Variants in AGAP1 observed in about 807,000 individuals in gnomAD.
AGAP1 encodes the protein ArfGAP with GTPase domain, ankyrin repeat and PH domain 1.
Under a neutral mutation model 105.3 loss-of-function variants are expected in AGAP1, and 29 were observed. That is an observed-to-expected ratio of 0.28 (90% CI 0.21 to 0.38). AGAP1 has a LOEUF of 0.38. Ranked by LOEUF, AGAP1 falls within the 10% of genes least tolerant of loss-of-function variation. The probability of loss-of-function intolerance (pLI) is 1.00; values close to 1 mark genes in which losing one functional copy is unlikely to be tolerated. For missense variants in AGAP1, 998 were observed against 1,165.1 expected (o/e 0.86, Z 2.09); for synonymous variants, 509 against 485.9 (o/e 1.05, Z -0.63).
At chr2:235,722,471 G>A (rs976878190) in intron 3 of AGAP1, among the ~76,000 whole-genome samples, 1 of 152,174 alleles carries the variant, frequency 6.6e-6, no homozygotes, top group Non-Finnish European at 1.5e-5. Flanking sequence ...CTGTCTTCAG[G>A]GGAGAGCTTC....
chr2:235,957,590 A>C lies in AGAP1; in HGVS notation c.1484-10872A>C, dbSNP rs190908804. Among the ~76,000 whole-genome samples the C allele has an allele frequency of 1.3e-3, 198 of 152,296 alleles. 2 individuals carry two copies. Among genetic ancestry groups the C allele is most frequent in the African/African-American group, 4.6e-3 (193 of 41,554 alleles). ...CCCGCTGAAAGCTCCCGTCAAAAGG[A>C]CTATGCGAAGGGGTGAGGTTTTGAA... is the stretch of plus-strand genomic sequence containing the variant. On this transcript the variant is annotated intron_variant, in intron 12 of 17. Coordinates refer to ENST00000304032, the MANE Select transcript of AGAP1 (RefSeq NM_001037131.3). The surrounding 1 kb of genome is among the most constrained non-coding windows in gnomAD (Gnocchi z 4.6).
intron 11 of AGAP1, among the ~76,000 whole-genome samples, chr2:235,926,204 C>CA (rs2052438001): frequency 6.6e-6 from 1 of 152,072 alleles, no homozygotes; most frequent in Non-Finnish European, 1.5e-5. Flanking sequence ...ATATCTGTAT[C>CA]AAAAAATGCA....
At chr2:235,696,353 C>G (rs1355010689) in intron 1 of AGAP1, among the ~76,000 whole-genome samples, 3 of 152,186 alleles carry the variant, frequency 2.0e-5, no homozygotes, top group Non-Finnish European at 4.4e-5. Flanking sequence ...GCCTGTTTAC[C>G]AATTTTTAAA....
Position 235,931,907 on chromosome 2 carries a change from GAC to G in AGAP1, c.1483+992_1483+993del, listed in dbSNP as rs1218979336. 1.3e-5 allele frequency among the ~76,000 whole-genome samples: 2 copies of G among 152,120 alleles called. No homozygotes were observed. The highest frequency in any genetic ancestry group is 2.9e-5 in the Non-Finnish European group (2 of 68,022). ...TGGAAGAGCCTTGTGACTTGGAGCAGACACACACAGCGTCACGCGGCTGCCCC... is the reference window on the plus strand; with the variant it reads ...TGGAAGAGCCTTGTGACTTGGAGCAGACACACAGCGTCACGCGGCTGCCCC... On this transcript the variant is annotated intron_variant, in intron 12 of 17. Coordinates refer to ENST00000304032, the MANE Select transcript of AGAP1 (RefSeq NM_001037131.3). This position sits in a 1 kb window ranked among gnomAD's most constrained non-coding sequence, Gnocchi z 5.6.
chr2:236,064,800 A>T (rs2058301039), intron 16 of AGAP1, among the ~76,000 whole-genome samples: 1 of 152,202 alleles, frequency 6.6e-6, no homozygotes, highest in Admixed American at 6.5e-5. Flanking sequence ...TGTGGAAGGA[A>T]TGAACTGAGA....
rs904661933 is a variant in AGAP1, at chr2:235,931,439, T to TTAG, written c.1483+518_1483+519insGTA. On this transcript the variant is annotated intron_variant, in intron 12 of 17. Coordinates refer to ENST00000304032, the MANE Select transcript of AGAP1 (RefSeq NM_001037131.3). The surrounding 1 kb of genome is among the most constrained non-coding windows in gnomAD (Gnocchi z 5.6). ...CAGTTTTCAAATTCCTTTGGCATTA[T>TTAG]TATTATTATTATTATTTTGACAAGT... 2.0e-5 allele frequency among the ~76,000 whole-genome samples: 3 copies of TTAG among 152,042 alleles called. No individual in the cohort carries two copies. Among genetic ancestry groups the TTAG allele is most frequent in the African/African-American group, 7.2e-5 (3 of 41,406 alleles).
intron 1 of AGAP1, among the ~76,000 whole-genome samples, chr2:235,680,337 A>G (rs1210471663): frequency 1.3e-5 from 2 of 152,078 alleles, no homozygotes; most frequent in Admixed American, 6.5e-5. Flanking sequence ...GAGCCCTTGT[A>G]GGGGTGGGAC....
chr2:235,999,734 A>C (rs2056030345), intron 13 of AGAP1, among the ~76,000 whole-genome samples: 1 of 145,996 alleles, frequency 6.8e-6, no homozygotes, highest in Admixed American at 6.8e-5. Context: ...TTTGATGACC[A>C]ATATGGTATG....
rs189478389 is a variant in AGAP1 at position 235,971,639 on chromosome 2, G to A, written c.1645+3016G>A. Among the ~76,000 whole-genome samples the A allele has an allele frequency of 8.2e-3, 1,240 of 151,780 alleles. 20 individuals carry two copies. The highest frequency in any genetic ancestry group is 0.028 in the African/African-American group (1,158 of 41,440). ...CAGGAGGTGGAGCTTGCAGTGAGCC[G>A]GGATGGCGCCACTGCGCTCCAGCCT... On this transcript the variant is annotated intron_variant, in intron 13 of 17. Transcript: ENST00000304032. This position sits in a 1 kb window ranked among gnomAD's most constrained non-coding sequence, Gnocchi z 4.8.
chr2:235,670,742 G>C (rs1348009637), intron 1 of AGAP1: 1 of 911,670 alleles, frequency 1.1e-6, no homozygotes, highest in Admixed American at 2.2e-5. Context: ...GGACGTGGGC[G>C]AGGTGCTCAG....
rs183461642 is a variant in AGAP1, at chr2:235,951,383, T to C, written c.1484-17079T>C. Among the ~76,000 whole-genome samples the C allele has an allele frequency of 3.3e-5, 5 of 152,370 alleles. No individual in the cohort carries two copies. In the East Asian group the frequency reaches 9.6e-4, roughly 29 times the overall value. The stretch of plus-strand genomic sequence containing the variant: ...CCCCAGGTACGATTATGGACAATGC[T>C]GTCAGTCATCGTGAGACAGAGTAGC... On this transcript the variant is annotated intron_variant, in intron 12 of 17. Transcript: ENST00000304032. This position sits in a 1 kb window ranked among gnomAD's most constrained non-coding sequence, Gnocchi z 4.2.
Position 235,789,424 on chromosome 2 carries a change from C to G in AGAP1, c.674-8335C>G, listed in dbSNP as rs537653737. Among the ~76,000 whole-genome samples, 22 of 152,152 alleles carry G rather than the reference C, an allele frequency of 1.4e-4. No homozygotes were observed. In the East Asian group the frequency reaches 4.3e-3, roughly 29 times the overall value. On this transcript the variant is annotated intron_variant, in intron 6 of 17. Coordinates refer to ENST00000304032, the MANE Select transcript of AGAP1 (RefSeq NM_001037131.3). The surrounding 1 kb of genome is among the most constrained non-coding windows in gnomAD (Gnocchi z 4.2). ...CTTCATTTCCAGCAAATTAACAACC[C>G]TAATAGGTAATTGCGACATAAATGA...
At chr2:235,853,726 A>G (rs543301716) in intron 9 of AGAP1, among the ~76,000 whole-genome samples, 8 of 152,316 alleles carry the variant, frequency 5.3e-5, no homozygotes, top group African/African-American at 1.9e-4. Flanking sequence ...AAGTGCATCT[A>G]CAAGTGCTGA....
chr2:235,566,160 C>T lies in AGAP1; in HGVS notation c.163+71311C>T, dbSNP rs541590040. On this transcript the variant is annotated intron_variant, in intron 1 of 17. Transcript: ENST00000304032. This position sits in a 1 kb window ranked among gnomAD's most constrained non-coding sequence, Gnocchi z 5.2. ...AGGCTAGAGTGCAGTGGCGCAACCT[C>T]GGCTCACTGCAACCTCTGCCTCCCG... Among the ~76,000 whole-genome samples the T allele has an allele frequency of 1.4e-4, 21 of 152,144 alleles. No homozygotes were observed. In the South Asian group the frequency reaches 3.3e-3, roughly 24 times the overall value.
chr2:235,593,951 A>C (rs997698972), intron 1 of AGAP1, among the ~76,000 whole-genome samples: 2 of 152,206 alleles, frequency 1.3e-5, no homozygotes, highest in African/African-American at 4.8e-5. Flanking sequence ...CCTGGGGGAC[A>C]GAGCAAGCAA....
In AGAP1 at chr2:235,721,118, C is replaced by T. The variant is rs1014944348; in HGVS notation, c.310+3474C>T. 6.6e-6 allele frequency among the ~76,000 whole-genome samples: 1 copy of T among 152,184 alleles called. No homozygotes were observed. On this transcript the variant is annotated intron_variant, in intron 3 of 17. Transcript: ENST00000304032. The surrounding 1 kb of genome is among the most constrained non-coding windows in gnomAD (Gnocchi z 4.5). ...TGCCTCCAGGATTCAAGTGATCCTC[C>T]TGCCGCAGCCTCCTGAGTAGCTGGG...
intron 1 of AGAP1, among the ~76,000 whole-genome samples, chr2:235,661,832 A>C (rs889200513): frequency 3.3e-5 from 5 of 152,182 alleles, no homozygotes; most frequent in Non-Finnish European, 7.3e-5. Context: ...ACAGTGATAC[A>C]GTGATGTCCC....
At chr2:235,765,570 G>A (rs1403173838) in intron 6 of AGAP1, among the ~76,000 whole-genome samples, 1 of 152,166 alleles carries the variant, frequency 6.6e-6, no homozygotes, top group African/African-American at 2.4e-5. Context: ...CAACCGGACT[G>A]TACCACATGT....
rs75220118 is a variant in AGAP1 at position 236,053,099 on chromosome 2, G to A, written c.2114+3818G>A. On this transcript the variant is annotated intron_variant, in intron 16 of 17. Transcript: ENST00000304032. This position sits in a 1 kb window ranked among gnomAD's most constrained non-coding sequence, Gnocchi z 4.6. ...TTGTAGGGCGTCGAGCAGCTGGGCCGGGGGCCACCAGCCAGGCGGGGCTCT... is the reference window on the plus strand; with the variant it reads ...TTGTAGGGCGTCGAGCAGCTGGGCCAGGGGCCACCAGCCAGGCGGGGCTCT... 1.5e-3 allele frequency among the ~76,000 whole-genome samples: 228 copies of A among 152,304 alleles called. 4 individuals carry two copies. The East Asian group carries it at 0.04, about 27-fold the overall frequency.
Sources: gnomAD v4.1 joint callset for allele counts (sites outside exome capture counted in the v4.1 genomes callset) on GRCh38, gnomAD v4.1.1 for gene constraint, Gnocchi (gnomAD v3.1) non-coding constraint, MANE v1.5 for transcripts, NCBI Gene and HGNC (gene_info 2026-07-23, HGNC 2026-07-21) for gene names.